SLC35G2: variants seen among roughly 807,000 people sequenced by gnomAD.
SLC35G2 encodes the protein transmembrane protein 22.
A neutral mutation model predicts 27.2 loss-of-function variants in SLC35G2; 20 were observed. That is an observed-to-expected ratio of 0.74 (90% CI 0.52 to 1.07). The LOEUF (loss-of-function observed/expected upper bound fraction) is 1.07, where lower values mean the gene tolerates loss of function less well. Among genes scored for constraint, SLC35G2 ranks in the 50% least tolerant of loss-of-function variants. SLC35G2 has a pLI of 0.00. For missense variants in SLC35G2, 416 were observed against 493.3 expected, an observed-to-expected ratio of 0.84 and a Z score of 1.48; for synonymous variants, 148 against 165.3, an observed-to-expected ratio of 0.90 and a Z score of 0.80.
chr3:136,837,345 GT>G (rs1936902783), intron 1 of SLC35G2: 1 of 152,092 alleles, frequency 6.6e-6, no homozygotes, highest in African/African-American at 2.4e-5. Flanking sequence ...GGCTTCTTGG[GT>G]GACTATTTTA....
chr3:136,832,118 A>T (rs548344761), intron 1 of SLC35G2, among the ~76,000 whole-genome samples: 2 of 151,566 alleles, frequency 1.3e-5, no homozygotes, highest in Admixed American at 1.3e-4. Context: ...GGTTCATGCC[A>T]TTCTCCTGCC....
chr3:136,844,797 C>CAAAAAAAA (rs58243269), intron 1 of SLC35G2, among the ~76,000 whole-genome samples: 331 of 34,550 alleles, frequency 9.6e-3, no homozygotes, highest in East Asian at 0.016. Context: ...CTCTCTGTCT[C>CAAAAAAAA]AAAAAAAAAA....
chr3:136,826,235 C>T, intron 1 of SLC35G2, among the ~76,000 whole-genome samples: 1 of 151,760 alleles, frequency 6.6e-6, no homozygotes, highest in Non-Finnish European at 1.5e-5. Context: ...ACAGGGGTTT[C>T]ACTGTGTTAG....
Position 136,854,508 on chromosome 3 carries a change from A to C in SLC35G2, c.48A>C (p.Lys16Asn). ...AATATCCAGTTAAAAAACGGGTGAA[A>C]ATACATCCCAACACAGTGATGGTGA... The part of the protein sequence containing the change: ...SRKYPVKKRV[K>N]IHPNTVMVKY... Residue 16 changes from lysine (K) to asparagine (N), a missense_variant, in exon 2 of 2, where the codon AAA becomes AAC. Coordinates refer to ENST00000446465, the MANE Select transcript of SLC35G2 (RefSeq NM_025246.3). 6.3e-7 allele frequency: 1 copy of C among 1,592,786 alleles called. No homozygotes were observed. The highest frequency in any genetic ancestry group is 2.2e-5 in the East Asian group (1 of 44,592).
chr3:136,826,558 G>A (rs1936591025), intron 1 of SLC35G2, among the ~76,000 whole-genome samples: 1 of 152,108 alleles, frequency 6.6e-6, no homozygotes, highest in Non-Finnish European at 1.5e-5. Flanking sequence ...TTGGCATATA[G>A]TTGCTCATAG....
rs534108108 is a variant in SLC35G2, at chr3:136,854,361, T to TTGAATTGATA, written c.-18-73_-18-72insATGAATTGAT. 8.9e-4 allele frequency: 804 copies of TTGAATTGATA among 901,724 alleles called. 5 individuals are homozygous for TTGAATTGATA. Among genetic ancestry groups the TTGAATTGATA allele is most frequent in the East Asian group, 6.1e-3 (226 of 37,162 alleles). 55.9% of individuals were successfully genotyped at this position (901,724 alleles called of 1,614,324 possible). A position where few individuals can be genotyped will look rare whatever the true frequency, so the allele number is the denominator to read the frequency against. ...CTGTTACAGCCTCTACTTTCTATCATTGAATTGATGCATATGATTATAATA... is the reference window on the plus strand; with the variant it reads ...CTGTTACAGCCTCTACTTTCTATCATTGAATTGATATGAATTGATGCATATGATTATAATA... On this transcript the variant is annotated intron_variant, in intron 1 of 1. Transcript: ENST00000446465.
At position 136,854,960 on chromosome 3, in the gene SLC35G2, G is replaced by A. The variant is rs995800437; in HGVS notation, c.500G>A (p.Arg167Gln). ...TTTGGACCCAGTGGATACAGATTAC[G>A]ACTCTTCTTTTATGGTGTATGCAAT... is the stretch of plus-strand genomic sequence containing the variant. ...APFGPSGYRL[R>Q]LFFYGVCNVI... Residue 167 changes from arginine (R) to glutamine (Q), a missense_variant, in exon 2 of 2, where the codon CGA becomes CAA. By Grantham distance (43) the Arg-to-Gln change is conservative. Coordinates refer to ENST00000446465, the MANE Select transcript of SLC35G2 (RefSeq NM_025246.3). 8 of 1,614,086 alleles carry A rather than the reference G, an allele frequency of 5.0e-6. No individual in the cohort carries two copies. The highest frequency in any genetic ancestry group is 6.8e-6 in the Non-Finnish European group (8 of 1,180,014).
At chr3:136,822,285 G>C (rs1192792425) in intron 1 of SLC35G2, among the ~76,000 whole-genome samples, 1 of 151,910 alleles carries the variant, frequency 6.6e-6, no homozygotes, top group Non-Finnish European at 1.5e-5. Flanking sequence ...ACCCTTCCCA[G>C]CTCTGGTAAC....
intron 1 of SLC35G2, among the ~76,000 whole-genome samples, chr3:136,845,245 A>G (rs941960363): frequency 4.6e-5 from 7 of 152,160 alleles, no homozygotes; most frequent in African/African-American, 1.7e-4. Flanking sequence ...ATGAACATAT[A>G]TTGCTTTTGT....
chr3:136,826,577 A>G (rs1392142205), intron 1 of SLC35G2, among the ~76,000 whole-genome samples: 2 of 152,136 alleles, frequency 1.3e-5, no homozygotes, highest in African/African-American at 4.8e-5. Context: ...AGTAGCCGCA[A>G]ATGATCCTTT....
chr3:136,855,250 G>C lies in SLC35G2; in HGVS notation c.790G>C (p.Ala264Pro). Residue 264 changes from alanine (A) to proline (P), a missense_variant, in exon 2 of 2, where the codon GCT becomes CCT. Transcript: ENST00000446465. ...CTTTGGGTACACCATGACTGTGATG[G>C]CTGGACTGACCACTGCTCTCTCAAT... ...EAFGYTMTVM[A>P]GLTTALSMIV... is the part of the protein sequence containing the mutation. The C allele has an allele frequency of 1.2e-6, 2 of 1,614,176 alleles. No individual in the cohort carries two copies. Among genetic ancestry groups the C allele is most frequent in the South Asian group, 1.1e-5 (1 of 91,084 alleles).
chr3:136,833,547 G>A (rs1200636172), intron 1 of SLC35G2, among the ~76,000 whole-genome samples: 2 of 152,120 alleles, frequency 1.3e-5, no homozygotes, highest in African/African-American at 2.4e-5. Context: ...GTGTGTTCAC[G>A]AATGGTTTCA....
chr3:136,829,241 T>TA (rs968203655), intron 1 of SLC35G2, among the ~76,000 whole-genome samples: 11 of 151,612 alleles, frequency 7.3e-5, no homozygotes, highest in African/African-American at 2.7e-4. Context: ...TTTTTTTTTT[T>TA]AGATGGAGTC....
Position 136,855,711 on chromosome 3 carries a change from T to G in SLC35G2, c.*12T>G, listed in dbSNP as rs1373382377. ...CTCCCATTAAATGAATACCTGATTA[T>G]TATTGTCTCATTAATGTTCAGTTAT... On this transcript the variant is annotated 3_prime_UTR_variant, in exon 2 of 2. Coordinates refer to ENST00000446465, the MANE Select transcript of SLC35G2 (RefSeq NM_025246.3). 6.4e-7 allele frequency: 1 copy of G among 1,557,796 alleles called. No homozygotes were observed. The highest frequency in any genetic ancestry group is 8.8e-7 in the Non-Finnish European group (1 of 1,139,620).
At chr3:136,850,543 CCTTT>C (rs1447257786) in intron 1 of SLC35G2, among the ~76,000 whole-genome samples, 1 of 151,964 alleles carries the variant, frequency 6.6e-6, no homozygotes, top group African/African-American at 2.4e-5. Context: ...TGGTTTCTAT[CCTTT>C]CTTCTATTAA....
At chr3:136,854,242 G>A (rs369991163) in intron 1 of SLC35G2, among the ~76,000 whole-genome samples, 3 of 152,082 alleles carry the variant, frequency 2.0e-5, no homozygotes, top group East Asian at 1.9e-4. Context: ...GACTTCAGAT[G>A]AGAGTGAAAA....
chr3:136,851,329 C>T (rs1019572174), intron 1 of SLC35G2, among the ~76,000 whole-genome samples: 1 of 151,270 alleles, frequency 6.6e-6, no homozygotes, highest in Non-Finnish European at 1.5e-5. Flanking sequence ...CCTGTCTCCA[C>T]TAAAAAAAAT....
At chr3:136,832,123 C>T (rs1169020033) in intron 1 of SLC35G2, among the ~76,000 whole-genome samples, 1 of 151,990 alleles carries the variant, frequency 6.6e-6, no homozygotes, top group Non-Finnish European at 1.5e-5. Context: ...ATGCCATTCT[C>T]CTGCCTCAGC....
chr3:136,829,768 A>G lies in SLC35G2; in HGVS notation c.-19+10140A>G, dbSNP rs142938675. The stretch of plus-strand genomic sequence containing the variant: ...CTATCTCCTGGCTTGTAAGGTTTCC[A>G]CTGAAAAGTCTACTGGCAGACATAT... On this transcript the variant is annotated intron_variant, in intron 1 of 1. Coordinates refer to ENST00000446465, the MANE Select transcript of SLC35G2 (RefSeq NM_025246.3). Among the ~76,000 whole-genome samples, 266 of 152,044 alleles carry G rather than the reference A, an allele frequency of 1.7e-3. 1 individual carries two copies. The highest frequency in any genetic ancestry group is 6.1e-3 in the African/African-American group (251 of 41,456).
Sources: gnomAD v4.1 joint callset for allele counts (sites outside exome capture counted in the v4.1 genomes callset) on GRCh38, gnomAD v4.1.1 for gene constraint, MANE v1.5 for transcripts, NCBI Gene and HGNC (gene_info 2026-07-23, HGNC 2026-07-21) for gene names.